The following AMZ1 variants were observed in gnomAD, a reference collection of about 807,000 sequenced individuals.
The protein encoded by AMZ1 is archaemetzincin-1.
A neutral mutation model predicts 29.9 loss-of-function variants in AMZ1; 39 were observed. The observed-to-expected ratio is 1.30, with a 90% CI of 1.01 to 1.70. The LOEUF (loss-of-function observed/expected upper bound fraction) is 1.70. Ranked by LOEUF, AMZ1 falls within the 40% of genes most tolerant of loss-of-function variation. AMZ1 has a pLI of 0.00. For synonymous variants in AMZ1, 458 were observed against 304.0 expected (o/e 1.51, Z -5.27); for missense variants, 1,041 against 680.6 (o/e 1.53, Z -5.89).
intron 4 of AMZ1, chr7:2,729,547 G>A (rs1325803297): frequency 4.6e-5 from 7 of 152,408 alleles, no homozygotes; most frequent in Non-Finnish European, 1.0e-4. Flanking sequence ...CTAACAGGGT[G>A]ACCCAGAGGC....
intron 1 of AMZ1, among the ~76,000 whole-genome samples, chr7:2,696,499 T>C (rs113114140): frequency 0.11 from 15,807 of 150,506 alleles, 1,105 homozygotes; most frequent in Non-Finnish European, 0.16. Flanking sequence ...CCTCGTGATC[T>C]GCCCGCCTGG....
chr7:2,716,220 G>C lies in AMZ1; in HGVS notation c.*3342G>C, dbSNP rs559632430. Reference sequence around the variant, plus strand: ...TGCTATGATGAAGGGGTGAGAAGCAGTGTCCCCTCTGAGGCAAATCTCTCT... The same window carrying C: ...TGCTATGATGAAGGGGTGAGAAGCACTGTCCCCTCTGAGGCAAATCTCTCT... On this transcript the variant is annotated 3_prime_UTR_variant, in exon 7 of 7. Coordinates refer to ENST00000683327, the MANE Select transcript of AMZ1 (RefSeq NM_001384743.1). 29 of 152,408 alleles carry C rather than the reference G, an allele frequency of 1.9e-4. No individual in the cohort carries two copies. The highest frequency in any genetic ancestry group is 6.7e-4 in the African/African-American group (28 of 41,572). The allele number at this position is 152,408 out of a possible 1,614,324, so 9.4% of individuals were successfully genotyped here.
intron 3 of AMZ1, among the ~76,000 whole-genome samples, chr7:2,706,777 C>G (rs564899732): frequency 6.6e-5 from 10 of 152,108 alleles, no homozygotes; most frequent in African/African-American, 2.4e-4. Context: ...GTTAGGACTT[C>G]CACCTGTCTT....
chr7:2,737,436 G>A (rs1740887474), intron 4 of AMZ1, among the ~76,000 whole-genome samples: 1 of 151,850 alleles, frequency 6.6e-6, no homozygotes, highest in Admixed American at 6.6e-5. Context: ...CTACAGGCGT[G>A]CACTACCACA....
chr7:2,696,278 A>G (rs1281973010), intron 1 of AMZ1, among the ~76,000 whole-genome samples: 4 of 119,304 alleles, frequency 3.4e-5, no homozygotes, highest in Admixed American at 1.8e-4. Context: ...TTTTTTTGAG[A>G]TGGAGTCTCG....
In AMZ1 at chr7:2,702,792, G is replaced by T. The variant is rs567388006; in HGVS notation, c.375G>T (p.Leu125=). 74 of 1,545,618 alleles carry T rather than the reference G, an allele frequency of 4.8e-5. No individual in the cohort carries two copies. The highest frequency in any genetic ancestry group is 2.7e-4 in the South Asian group (23 of 84,140). Reference sequence around the variant, plus strand: ...GCAGCTGCACAGAGGCCTTCTTCCTGGGCCTGCGCGTCAAGTGCCTGCCGT... The same window carrying T: ...GCAGCTGCACAGAGGCCTTCTTCCTTGGCCTGCGCGTCAAGTGCCTGCCGT... The part of the protein sequence containing the change: ...QLCSCTEAFF[L]GLRVKCLPSV... The change falls in exon 3 of 7, where the codon CTG becomes CTT. Residue 125 remains leucine, a synonymous_variant. Transcript: ENST00000683327.
chr7:2,684,580 T>A (rs1786998872), upstream of AMZ1, among the ~76,000 whole-genome samples: 1 of 152,234 alleles, frequency 6.6e-6, no homozygotes, highest in Non-Finnish European at 1.5e-5. Context: ...GGCCTCTTTC[T>A]AGAATAGACT....
At chr7:2,738,267 AGAGT>A (rs1243297156) in intron 4 of AMZ1, among the ~76,000 whole-genome samples, 5 of 150,132 alleles carry the variant, frequency 3.3e-5, no homozygotes, top group Non-Finnish European at 7.4e-5. Flanking sequence ...ATACAAAAAC[AGAGT>A]GAGGCTCCAT....
chr7:2,741,507 G>A (rs930509552), intron 4 of AMZ1, among the ~76,000 whole-genome samples: 3 of 152,138 alleles, frequency 2.0e-5, no homozygotes, highest in Non-Finnish European at 4.4e-5. Flanking sequence ...TACTTTTTGG[G>A]GAAATTCACA....
At chr7:2,696,433 AT>A (rs1442833071) in intron 1 of AMZ1, among the ~76,000 whole-genome samples, 6 of 150,464 alleles carry the variant, frequency 4.0e-5, no homozygotes, top group Non-Finnish European at 7.4e-5. Flanking sequence ...ATTTTTTTGT[AT>A]TTTTAGTAGA....
Position 2,731,836 on chromosome 7 carries a change from A to C in AMZ1, n.550+22020A>C. ...AACAAAAAGATGGCAAAAAGATAAG[A>C]AGGAAAGAGACTGACTTTTGCAACA... is the stretch of plus-strand genomic sequence containing the variant. On this transcript the variant is annotated intron_variant and non_coding_transcript_variant, in intron 4 of 4. Coordinates refer to the AMZ1 transcript ENST00000489665. The surrounding 1 kb of genome is among the most constrained non-coding windows in gnomAD (Gnocchi z 6.0). 1 of 707,430 alleles carries C rather than the reference A, an allele frequency of 1.4e-6. No homozygotes were observed. Among genetic ancestry groups the C allele is most frequent in the Non-Finnish European group, 2.2e-6 (1 of 457,302 alleles). 43.8% of individuals were successfully genotyped at this position (707,430 alleles called of 1,614,324 possible). A position where few individuals can be genotyped will look rare whatever the true frequency, so the allele number is the denominator to read the frequency against.
Position 2,713,079 on chromosome 7 carries a change from G to C in AMZ1, c.*201G>C, listed in dbSNP as rs911235218. ...ATGGTGAGACTCTGCCTCTACAAAA[G>C]AAAAATTAAAAAATTAGCTGGATGA... On this transcript the variant is annotated 3_prime_UTR_variant, in exon 7 of 7. Coordinates refer to ENST00000683327, the MANE Select transcript of AMZ1 (RefSeq NM_001384743.1). 6 of 500,402 alleles carry C rather than the reference G, an allele frequency of 1.2e-5. No individual in the cohort carries two copies. The highest frequency in any genetic ancestry group is 1.0e-4 in the African/African-American group (5 of 50,022). 31.0% of individuals were successfully genotyped at this position (500,402 alleles called of 1,614,324 possible).
In AMZ1 at chr7:2,712,336, T is replaced by C. The variant is rs1196564363; in HGVS notation, c.955T>C (p.Tyr319His). The change falls in exon 7 of 7, where the codon TAC (tyrosine) becomes CAC (histidine). Residue 319 changes from tyrosine (Y) to histidine (H), a missense_variant. By Grantham distance (83) the Tyr-to-His change is moderately conservative. Transcript: ENST00000683327. The part of the protein sequence containing the change: ...FRLIERYQRL[Y>H]TWTQAVVGTW... ...CTGTGTTTCTCCCTCTTAGAGACTC[T>C]ACACCTGGACTCAGGCGGTGGTGGG... 1.3e-6 allele frequency: 2 copies of C among 1,584,408 alleles called. No homozygotes were observed. Among genetic ancestry groups the C allele is most frequent in the African/African-American group, 1.3e-5 (1 of 74,416 alleles).
At chr7:2,759,929 G>A (rs919622562), upstream of AMZ1, among the ~76,000 whole-genome samples, 16 of 152,178 alleles carry the variant, frequency 1.1e-4, no homozygotes, top group African/African-American at 3.9e-4. Context: ...TCTGCCACCT[G>A]CTCCTGCCAA....
At chr7:2,737,263 AG>A (rs1790231274) in intron 4 of AMZ1, among the ~76,000 whole-genome samples, 2 of 79,580 alleles carry the variant, frequency 2.5e-5, no homozygotes, top group Admixed American at 1.4e-4. Context: ...GCTATCTCAC[AG>A]TTTTGTTTTG....
chr7:2,696,515 C>T (rs894033790), intron 1 of AMZ1, among the ~76,000 whole-genome samples: 14 of 151,264 alleles, frequency 9.3e-5, no homozygotes, highest in Non-Finnish European at 1.6e-4. Context: ...CCTGGGCCTC[C>T]CAAAGTGCTG....
intron 2 of AMZ1, chr7:2,702,202 C>G (rs939331924): frequency 7.8e-6 from 1 of 127,740 alleles, no homozygotes; most frequent in Non-Finnish European, 1.6e-5. Context: ...GCCTCTCCAG[C>G]CTCGACCTGC....
At chr7:2,745,219 A>C (rs1790709319) in intron 4 of AMZ1, among the ~76,000 whole-genome samples, 2 of 152,260 alleles carry the variant, frequency 1.3e-5, no homozygotes, top group Non-Finnish European at 2.9e-5. Context: ...CATAATTGTC[A>C]GATTCACCAA....
At position 2,718,238 on chromosome 7, in the gene AMZ1, G is replaced by A. The variant is rs1016552045; in HGVS notation, c.*5360G>A. On this transcript the variant is annotated 3_prime_UTR_variant, in exon 7 of 7. Transcript: ENST00000683327. ...TCCACCCTGGGGCTCCTCTGATGCC[G>A]AGAGCTCTGGCTCTCCTGACTGTGG... Among the ~76,000 whole-genome samples the A allele has an allele frequency of 3.3e-5, 5 of 152,210 alleles. No homozygotes were observed. Among genetic ancestry groups the A allele is most frequent in the Admixed American group, 6.5e-5 (1 of 15,282 alleles).
Sources: allele counts gnomAD v4.1 joint callset (sites outside exome capture counted in the v4.1 genomes callset), GRCh38; gene constraint gnomAD v4.1.1; non-coding constraint Gnocchi (gnomAD v3.1); transcripts MANE v1.5; gene names NCBI Gene and HGNC (gene_info 2026-07-23, HGNC 2026-07-21).